The following RORA variants were observed in gnomAD, a reference collection of about 807,000 sequenced individuals.
RORA encodes RAR related orphan receptor A, also known as nuclear receptor ROR-alpha.
In RORA, 7 loss-of-function variants were observed where a neutral mutation model predicts 69.5. The observed-to-expected ratio is 0.10, with a 90% CI of 0.06 to 0.19. The LOEUF (loss-of-function observed/expected upper bound fraction) is 0.19, where lower values mean the gene tolerates loss of function less well. Among genes scored for constraint, RORA ranks in the 10% least tolerant of loss-of-function variants. The pLI, the probability that RORA is intolerant of heterozygous loss-of-function variation, is 1.00. For missense variants in RORA, 457 were observed against 663.0 expected, an observed-to-expected ratio of 0.69 and a Z score of 3.41; for synonymous variants, 261 against 240.8, an observed-to-expected ratio of 1.08 and a Z score of -0.78.
rs2065065760 is a variant in RORA, at chr15:60,492,732, TATTA to T, written c.*4719_*4722del. ...TGAATGATGCTCTTTGCTGGTACAT[TATTA>T]ATTTATCTTTTGAACACACTGGCAT... is the stretch of plus-strand genomic sequence containing the variant. On this transcript the variant is annotated 3_prime_UTR_variant, in exon 11 of 11. Transcript: ENST00000335670. 1 of 152,152 alleles carries T rather than the reference TATTA, an allele frequency of 6.6e-6. No homozygotes were observed. The highest frequency in any genetic ancestry group is 2.4e-5 in the African/African-American group (1 of 41,448). 9.4% of individuals were successfully genotyped at this position (152,152 alleles called of 1,614,324 possible).
chr15:60,696,734 G>A (rs559021263), intron 1 of RORA, among the ~76,000 whole-genome samples: 12 of 152,166 alleles, frequency 7.9e-5, no homozygotes, highest in South Asian at 2.1e-4. Context: ...AACACTTGCG[G>A]AGCCAAAATT....
rs1484026304 is a variant in RORA at position 60,775,706 on chromosome 15, G to A, written c.167-97020C>T. Among the ~76,000 whole-genome samples, 6 of 152,238 alleles carry A rather than the reference G, an allele frequency of 3.9e-5. No homozygotes were observed. In the East Asian group the frequency reaches 5.8e-4, roughly 15 times the overall value. ...AACATATTCCCTGGGGGGAAACAAC[G>A]GTCTCTTTTCCTATTAATGAACAGT... On this transcript the variant is annotated intron_variant, in intron 1 of 10. Transcript: ENST00000335670.
intron 1 of RORA, among the ~76,000 whole-genome samples, chr15:61,036,306 T>C (rs1005989300): frequency 1.3e-5 from 2 of 152,166 alleles, no homozygotes; most frequent in Non-Finnish European, 2.9e-5. Flanking sequence ...TGCAATCCTC[T>C]TTAGAGGAAG....
In RORA at chr15:61,086,595, C is replaced by T. The variant is rs79896631; in HGVS notation, c.166+142458G>A. Among the ~76,000 whole-genome samples the T allele has an allele frequency of 1.9e-3, 291 of 152,130 alleles. 7 individuals are homozygous for T. In the East Asian group the frequency reaches 0.053, roughly 28 times the overall value. On this transcript the variant is annotated intron_variant, in intron 1 of 10. Coordinates refer to ENST00000335670, the MANE Select transcript of RORA (RefSeq NM_134261.3). The stretch of plus-strand genomic sequence containing the variant: ...AATAAAATTTTGAGTCAAAATTTTA[C>T]TCTTTAACTTAAAATTTGATTTGGC...
chr15:60,653,737 C>T (rs887956110), intron 2 of RORA, among the ~76,000 whole-genome samples: 13 of 151,962 alleles, frequency 8.6e-5, no homozygotes, highest in African/African-American at 2.4e-4. Flanking sequence ...GCTCAGAGTC[C>T]GACTGTGTCT....
intron 1 of RORA, among the ~76,000 whole-genome samples, chr15:60,819,767 A>ACACACACGCGCG (rs1555455765): frequency 8.1e-5 from 12 of 147,532 alleles, no homozygotes; most frequent in Non-Finnish European, 1.7e-4. Flanking sequence ...ACACACACAC[A>ACACACACGCGCG]CACACACACA....
At chr15:60,544,537 G>T (rs921516534) in intron 2 of RORA, among the ~76,000 whole-genome samples, 2 of 152,100 alleles carry the variant, frequency 1.3e-5, no homozygotes, top group African/African-American at 4.8e-5. Context: ...GAAACGAAGA[G>T]AATTTTTTTT....
intron 1 of RORA, among the ~76,000 whole-genome samples, chr15:60,813,750 T>G (rs969486262): frequency 6.6e-6 from 1 of 152,222 alleles, no homozygotes; most frequent in Non-Finnish European, 1.5e-5. Flanking sequence ...CAGTATAGTT[T>G]ACAAAGTACT....
intron 1 of RORA, among the ~76,000 whole-genome samples, chr15:61,076,901 T>C (rs2078458029): frequency 1.3e-5 from 2 of 151,892 alleles, no homozygotes; most frequent in Admixed American, 1.3e-4. Context: ...AATGATCATT[T>C]TTCACTCTAC....
At chr15:61,058,956 G>T (rs568870790) in intron 1 of RORA, among the ~76,000 whole-genome samples, 2 of 152,186 alleles carry the variant, frequency 1.3e-5, no homozygotes, top group African/African-American at 4.8e-5. Flanking sequence ...GTGAATTTAC[G>T]GTGATAAAGC....
intron 1 of RORA, among the ~76,000 whole-genome samples, chr15:60,763,143 G>A (rs1490224270): frequency 8.0e-6 from 1 of 125,592 alleles, no homozygotes; most frequent in Non-Finnish European, 1.6e-5. Flanking sequence ...TGAAAACTGA[G>A]TTGGGAAAAC....
At chr15:60,837,166 C>T (rs1294614655) in intron 1 of RORA, among the ~76,000 whole-genome samples, 4 of 152,084 alleles carry the variant, frequency 2.6e-5, no homozygotes, top group Admixed American at 1.3e-4. Context: ...GCCATCATGC[C>T]GCACCCCCTC....
At chr15:60,878,609 C>G (rs1005844380) in intron 1 of RORA, among the ~76,000 whole-genome samples, 1 of 152,200 alleles carries the variant, frequency 6.6e-6, no homozygotes. Flanking sequence ...TCCTGCTCCC[C>G]GAAAGCTCTG....
At chr15:61,134,269 A>G (rs992166119) in intron 1 of RORA, among the ~76,000 whole-genome samples, 12 of 152,214 alleles carry the variant, frequency 7.9e-5, no homozygotes, top group African/African-American at 2.9e-4. Context: ...TACACTAAGG[A>G]AAGTTTCCTC....
rs1426393144 is a variant in RORA at position 60,894,159 on chromosome 15, G to A, written c.167-215473C>T. Among the ~76,000 whole-genome samples, 3 of 152,318 alleles carry A rather than the reference G, an allele frequency of 2.0e-5. No homozygotes were observed. In the East Asian group the frequency reaches 5.8e-4, roughly 29 times the overall value. On this transcript the variant is annotated intron_variant, in intron 1 of 10. Transcript: ENST00000335670. ...GGCCCGCAGCCAGAGTTCTTCCTGT[G>A]AAGAGCCCTCACCGCTTCACTTTTC...
At position 60,494,003 on chromosome 15, in the gene RORA, A is replaced by C. The variant is rs2065105997; in HGVS notation, c.*3452T>G. On this transcript the variant is annotated 3_prime_UTR_variant, in exon 11 of 11. Coordinates refer to ENST00000335670, the MANE Select transcript of RORA (RefSeq NM_134261.3). ...CACACACACACTCCTTCCTCACCTG[A>C]CCCTCAGCCCACCCCCATACGCTCA... 1 of 147,044 alleles carries C rather than the reference A, an allele frequency of 6.8e-6. No homozygotes were observed. The highest frequency in any genetic ancestry group is 2.6e-5 in the African/African-American group (1 of 38,962). The allele number at this position is 147,044 out of a possible 1,614,324, so 9.1% of individuals were successfully genotyped here. A position where few individuals can be genotyped will look rare whatever the true frequency, so the allele number is the denominator to read the frequency against.
At chr15:60,686,074 T>C (rs901067670) in intron 1 of RORA, among the ~76,000 whole-genome samples, 44 of 152,136 alleles carry the variant, frequency 2.9e-4, no homozygotes, top group African/African-American at 9.7e-4. Flanking sequence ...AAAAAAAAAT[T>C]TGTGATTGCT....
At chr15:60,958,873 TG>T (rs1336260267) in intron 1 of RORA, among the ~76,000 whole-genome samples, 40 of 152,288 alleles carry the variant, frequency 2.6e-4, no homozygotes, top group African/African-American at 8.9e-4. Flanking sequence ...CACAGCAACT[TG>T]GCTCAGGCAC....
chr15:61,172,914 C>G (rs560970127), intron 1 of RORA, among the ~76,000 whole-genome samples: 1 of 152,284 alleles, frequency 6.6e-6, no homozygotes, highest in South Asian at 2.1e-4. Flanking sequence ...GAAGCCTCTG[C>G]AAGTTTTTCA....
Sources: allele counts gnomAD v4.1 joint callset (sites outside exome capture counted in the v4.1 genomes callset), GRCh38; gene constraint gnomAD v4.1.1; transcripts MANE v1.5; gene names NCBI Gene and HGNC (gene_info 2026-07-23, HGNC 2026-07-21).